ZNF875: variants seen among roughly 807,000 people sequenced by gnomAD.
The protein encoded by ZNF875 is HKR1, GLI-Kruppel zinc finger family member.
ZNF875 carries 14 observed loss-of-function variants against 11.2 expected under a neutral mutation model. That is an observed-to-expected ratio of 1.26 (90% CI 0.83 to 1.96). ZNF875 has a LOEUF of 1.96. ZNF875 is among the 30% of genes most tolerant of loss of function. The probability of loss-of-function intolerance (pLI) is 0.00; values close to 1 mark genes in which losing one functional copy is unlikely to be tolerated. For synonymous variants in ZNF875, 301 were observed against 281.1 expected, an observed-to-expected ratio of 1.07 and a Z score of -0.71; for missense variants, 752 against 760.4, an observed-to-expected ratio of 0.99 and a Z score of 0.13.
Position 37,334,682 on chromosome 19 carries a change from G to C in ZNF875, c.-157G>C, listed in dbSNP as rs1438176231. 2 of 455,946 alleles carry C rather than the reference G, an allele frequency of 4.4e-6. No individual in the cohort carries two copies. The highest frequency in any genetic ancestry group is 8.8e-6 in the Non-Finnish European group (2 of 226,824). The allele number at this position is 455,946 out of a possible 1,614,324, so 28.2% of individuals were successfully genotyped here. ...TCGGTGGCCCAGGCGCGTTAAGCTG[G>C]TTGGGACCCGGGAAGGCCTCCCTCT... On this transcript the variant is annotated 5_prime_UTR_variant, in exon 1 of 5. Coordinates refer to ENST00000392153, the MANE Select transcript of ZNF875 (RefSeq NM_001353803.2).
At chr19:37,356,856 T>C (rs1232830211) in intron 4 of ZNF875, among the ~76,000 whole-genome samples, 1 of 152,220 alleles carries the variant, frequency 6.6e-6, no homozygotes, top group African/African-American at 2.4e-5. Context: ...CATTTTTGTT[T>C]TTGTTGCAAT....
chr19:37,346,474 G>C (rs2036786248), intron 2 of ZNF875: 1 of 152,564 alleles, frequency 6.6e-6, no homozygotes, highest in Non-Finnish European at 1.5e-5. Flanking sequence ...GAGCCCTGCT[G>C]TAGGAACTAT....
intron 4 of ZNF875, among the ~76,000 whole-genome samples, chr19:37,354,684 G>T (rs1034949072): frequency 3.9e-5 from 6 of 152,200 alleles, no homozygotes; most frequent in Non-Finnish European, 7.3e-5. Context: ...GGTATTGAAA[G>T]GTGGTGGGGC....
rs1251035716 is a variant in ZNF875 at position 37,364,017 on chromosome 19, G to GGGTTA, written c.*242_*243insGGTTA. 2 of 500,426 alleles carry GGGTTA rather than the reference G, an allele frequency of 4.0e-6. No individual in the cohort carries two copies. Among genetic ancestry groups the GGGTTA allele is most frequent in the Non-Finnish European group, 7.1e-6 (2 of 280,218 alleles). 31.0% of individuals were successfully genotyped at this position (500,426 alleles called of 1,614,324 possible). On this transcript the variant is annotated 3_prime_UTR_variant, in exon 5 of 5. Coordinates refer to ENST00000392153, the MANE Select transcript of ZNF875 (RefSeq NM_001353803.2). ...CCTTCCTCACTGTGGATGGTGGGTT[G>GGGTTA]TGGAAACCCGGTCAGGTAATGATAG...
chr19:37,328,024 C>G (rs866362751), intron 4 of ZNF875, among the ~76,000 whole-genome samples: 23 of 152,038 alleles, frequency 1.5e-4, no homozygotes, highest in African/African-American at 5.3e-4. Context: ...GGCGGATCAC[C>G]TGAGGTCAGG....
At chr19:37,326,664 CTTTTTTTTTT>C (rs35805509) in intron 4 of ZNF875, among the ~76,000 whole-genome samples, 2 of 88,084 alleles carry the variant, frequency 2.3e-5, no homozygotes, top group Non-Finnish European at 4.2e-5. Context: ...AATTAGAAAG[CTTTTTTTTTT>C]TTTTTTTTTT....
At position 37,362,335 on chromosome 19, in the gene ZNF875, C is replaced by T; in HGVS notation, c.483C>T (p.Ser161=). The T allele has an allele frequency of 6.2e-7, 1 of 1,614,122 alleles. No homozygotes were observed. Among genetic ancestry groups the T allele is most frequent in the Non-Finnish European group, 8.5e-7 (1 of 1,180,006 alleles). ...KAEWIQEGED[S]RLLFGRVSKN... ...AATGGATTCAAGAGGGAGAAGACTC[C>T]AGACTCCTGTTTGGGAGAGTAAGCA... The change falls in exon 5 of 5, where the codon TCC becomes TCT. Residue 161 remains serine (S), a synonymous_variant. Transcript: ENST00000392153.
At position 37,347,222 on chromosome 19, in the gene ZNF875, C is replaced by T. The variant is rs142786854; in HGVS notation, c.66C>T (p.Tyr22=). ...AFVAFRDVAV[Y]FTQEEWRLLS... is the part of the protein sequence containing the mutation. Reference sequence around the variant, plus strand: ...TGGCATTCAGGGATGTGGCTGTGTACTTCACCCAGGAGGAGTGGAGGTTGT... The same window carrying T: ...TGGCATTCAGGGATGTGGCTGTGTATTTCACCCAGGAGGAGTGGAGGTTGT... Residue 22 remains tyrosine, a synonymous_variant, in exon 3 of 5, where the codon TAC becomes TAT. Transcript: ENST00000392153. 537 of 1,613,996 alleles carry T rather than the reference C, an allele frequency of 3.3e-4. No individual in the cohort carries two copies. The highest frequency in any genetic ancestry group is 4.2e-4 in the Non-Finnish European group (501 of 1,180,006).
rs779299590 is a variant in ZNF875, at chr19:37,362,492, G to A, written c.640G>A (p.Val214Ile). 6.2e-7 allele frequency: 1 copy of A among 1,614,202 alleles called. No individual in the cohort carries two copies. The highest frequency in any genetic ancestry group is 8.5e-7 in the Non-Finnish European group (1 of 1,180,028). The change falls in exon 5 of 5, where the codon GTA becomes ATA. Residue 214 changes from valine (V) to isoleucine (I), a missense_variant. Physicochemically the swap from Val to Ile is conservative, Grantham distance 29. Transcript: ENST00000392153. ...GGCAGATCTAGAGGAAACAGACAAA[G>A]TATTGCATGGTTTAGAAGTCTCAGG... ...RRADLEETDK[V>I]LHGLEVSGFG...
At chr19:37,346,546 TAGTG>T (rs1464276990) in intron 2 of ZNF875, 1 of 154,098 alleles carries the variant, frequency 6.5e-6, no homozygotes, top group East Asian at 1.9e-4. Context: ...GTAGAACAAA[TAGTG>T]AGACCAAGTA....
intron 4 of ZNF875, among the ~76,000 whole-genome samples, chr19:37,350,962 G>T (rs1159548721): frequency 6.6e-6 from 1 of 151,714 alleles, no homozygotes; most frequent in African/African-American, 2.4e-5. Flanking sequence ...GTGCCACCAT[G>T]CCTGGCTAAT....
upstream of ZNF875, chr19:37,314,806 A>T (rs1599836633): frequency 2.6e-5 from 4 of 152,042 alleles, no homozygotes; most frequent in East Asian, 7.7e-4. Context: ...TAATTTATTC[A>T]TCAAGTATAA....
Position 37,339,548 on chromosome 19 carries a change from T to TG in ZNF875, c.33+4291_33+4292insG, listed in dbSNP as rs201677997. ...TTGGAGATTTGAACCCTGCCAGTTTTTTTTTTTTTTTTTTTTGAGACAGAG... is the reference window on the plus strand; with the variant it reads ...TTGGAGATTTGAACCCTGCCAGTTTTGTTTTTTTTTTTTTTTTGAGACAGAG... On this transcript the variant is annotated intron_variant, in intron 2 of 4. Transcript: ENST00000392153. Among the ~76,000 whole-genome samples, 878 of 147,144 alleles carry TG rather than the reference T, an allele frequency of 6.0e-3. 22 individuals are homozygous for TG. Among genetic ancestry groups the TG allele is most frequent in the East Asian group, 0.051 (256 of 4,984 alleles).
chr19:37,323,729 C>T (rs2031925204), intron 3 of ZNF875, among the ~76,000 whole-genome samples: 2 of 152,134 alleles, frequency 1.3e-5, no homozygotes, highest in African/African-American at 4.8e-5. Context: ...GGGGAAAGTG[C>T]CACAGTGTCT....
At chr19:37,349,996 C>T (rs1306938938) in intron 4 of ZNF875, among the ~76,000 whole-genome samples, 3 of 131,342 alleles carry the variant, frequency 2.3e-5, no homozygotes, top group South Asian at 2.8e-4. Flanking sequence ...TACAGAGTCT[C>T]GCTTTGTTGC....
intron 4 of ZNF875, among the ~76,000 whole-genome samples, chr19:37,357,203 C>T (rs536898800): frequency 8.5e-5 from 13 of 152,210 alleles, no homozygotes; most frequent in Non-Finnish European, 1.2e-4. Flanking sequence ...GTACTTACAC[C>T]GTGCTGTTTC....
chr19:37,358,098 T>G (rs1371382183), intron 4 of ZNF875: 4 of 395,364 alleles, frequency 1.0e-5, no homozygotes, highest in Non-Finnish European at 1.8e-5. Context: ...GTGTTGGATT[T>G]TATCCGATGC....
Position 37,362,985 on chromosome 19 carries a change from A to G in ZNF875, c.1133A>G (p.His378Arg). The G allele has an allele frequency of 6.2e-7, 1 of 1,614,218 alleles. No homozygotes were observed. Among genetic ancestry groups the G allele is most frequent in the Non-Finnish European group, 8.5e-7 (1 of 1,180,042 alleles). Residue 378 changes from histidine (H) to arginine (R), a missense_variant, in exon 5 of 5, where the codon CAT (histidine) becomes CGT (arginine). By Grantham distance (29) the His-to-Arg change is conservative. Coordinates refer to ENST00000392153, the MANE Select transcript of ZNF875 (RefSeq NM_001353803.2). ...GAATGTGGGCGTGGCTTTCGCCAGC[A>G]TTCACACCTGGTCAGACACAAGAGG... ...CRECGRGFRQ[H>R]SHLVRHKRTH...
chr19:37,362,330 G>A lies in ZNF875; in HGVS notation c.478G>A (p.Asp160Asn). 6.2e-7 allele frequency: 1 copy of A among 1,614,108 alleles called. No individual in the cohort carries two copies. Among genetic ancestry groups the A allele is most frequent in the African/African-American group, 1.3e-5 (1 of 75,046 alleles). The change falls in exon 5 of 5, where the codon GAC becomes AAC. Residue 160 changes from aspartate (D) to asparagine (N), a missense_variant. Asp to Asn is a conservative substitution (Grantham distance 23). Coordinates refer to ENST00000392153, the MANE Select transcript of ZNF875 (RefSeq NM_001353803.2). ...GKAEWIQEGE[D>N]SRLLFGRVSK... is the part of the protein sequence containing the mutation. ...AGCAGAATGGATTCAAGAGGGAGAA[G>A]ACTCCAGACTCCTGTTTGGGAGAGT...
Sources: allele counts gnomAD v4.1 joint callset (sites outside exome capture counted in the v4.1 genomes callset), GRCh38; gene constraint gnomAD v4.1.1; transcripts MANE v1.5; gene names NCBI Gene and HGNC (gene_info 2026-07-23, HGNC 2026-07-21).